The following EFHC2 variants were observed in gnomAD, a reference collection of about 807,000 sequenced individuals.
The protein encoded by EFHC2 is EF-hand domain containing 2, also known as EF-hand domain-containing family member C2.
Under a neutral mutation model 52.7 loss-of-function variants are expected in EFHC2, and 18 were observed. The ratio of observed to expected loss-of-function variants is 0.34; its 90% CI spans 0.24 to 0.51. EFHC2 has a LOEUF of 0.51. Ranked by LOEUF, EFHC2 falls within the 20% of genes least tolerant of loss-of-function variation. The pLI is 0.97. For synonymous variants in EFHC2, 203 were observed against 204.1 expected (o/e 0.99, Z 0.04); for missense variants, 513 against 562.5 (o/e 0.91, Z 0.89).
At position 44,248,915 on chromosome X, in the gene EFHC2, T is replaced by C; in HGVS notation, c.860A>G (p.Asn287Ser). ...TGGTTGATAGACTCTAGGTGGGCAA[T>C]TCTGGAAGACAAAATCAAAACAAGA... ...MFLRRSKLPK[N>S]CPPRVYQPGQ... Residue 287 changes from asparagine to serine, a missense_variant and splice_region_variant, in exon 6 of 15, where the codon AAT (asparagine) becomes AGT (serine). Coordinates refer to ENST00000420999, the MANE Select transcript of EFHC2 (RefSeq NM_025184.4). The C allele has an allele frequency of 8.5e-7, 1 of 1,175,449 alleles. No individual in the cohort carries two copies.
At chrX:44,160,871 G>A (rs1374302646) in intron 14 of EFHC2, among the ~76,000 whole-genome samples, 1 of 109,480 alleles carries the variant, frequency 9.1e-6, no homozygotes, top group African/African-American at 3.3e-5. Flanking sequence ...GCAGTGAGCC[G>A]AGATCACACC....
intron 2 of EFHC2, among the ~76,000 whole-genome samples, chrX:44,287,295 A>T (rs1411864898): frequency 9.9e-5 from 11 of 111,495 alleles, no homozygotes; most frequent in East Asian, 2.8e-4. Flanking sequence ...TATCAAAAAA[A>T]TTTTTTTTAA....
intron 4 of EFHC2, among the ~76,000 whole-genome samples, chrX:44,251,382 A>G (rs185922938): frequency 3.8e-5 from 4 of 104,877 alleles, no homozygotes; most frequent in Non-Finnish European, 5.9e-5. Context: ...GGGAGGCCAC[A>G]GTGGGTCGAT....
chrX:44,326,795 C>A (rs2038055266), intron 1 of EFHC2, among the ~76,000 whole-genome samples: 1 of 92,266 alleles, frequency 1.1e-5, no homozygotes, highest in Non-Finnish European at 2.0e-5. Flanking sequence ...GTGGCACAGT[C>A]ATGGCTCACT....
chrX:44,332,770 A>G lies in EFHC2; in HGVS notation c.42+10777T>C, dbSNP rs1389866408. On this transcript the variant is annotated intron_variant, in intron 1 of 14. Transcript: ENST00000420999. ...AATAAGAGAGAGAAAACTATCCCTC[A>G]GCATGGTGCAAGAGGCCACAGAGAG... Among the ~76,000 whole-genome samples, 19 of 111,319 alleles carry G rather than the reference A, an allele frequency of 1.7e-4. No homozygotes were observed. The Admixed American group carries it at 1.8e-3, about 11-fold the overall frequency.
In EFHC2 at chrX:44,289,720, C is replaced by T. The variant is rs188036145; in HGVS notation, c.232-16884G>A. 1.6e-4 allele frequency among the ~76,000 whole-genome samples: 14 copies of T among 85,344 alleles called. No homozygotes were observed. In the Admixed American group the frequency reaches 2.1e-3, roughly 13 times the overall value. 74.1% of individuals were successfully genotyped at this position (85,344 alleles called of 115,157 possible). Reference sequence around the variant, plus strand: ...TTTTTGAGACAGAGACTCACTCTGTCGCCAGGGCTGGAGTGCAATGGCGCA... The same window carrying T: ...TTTTTGAGACAGAGACTCACTCTGTTGCCAGGGCTGGAGTGCAATGGCGCA... On this transcript the variant is annotated intron_variant, in intron 2 of 14. Coordinates refer to ENST00000420999, the MANE Select transcript of EFHC2 (RefSeq NM_025184.4).
At chrX:44,308,118 T>A (rs1350059422) in intron 2 of EFHC2, among the ~76,000 whole-genome samples, 1 of 111,262 alleles carries the variant, frequency 9.0e-6, no homozygotes, top group East Asian at 2.8e-4. Context: ...TAAAAGGACA[T>A]ACATAATAAA....
At chrX:44,151,115 C>A (rs2147262270) in intron 14 of EFHC2, among the ~76,000 whole-genome samples, 1 of 110,970 alleles carries the variant, frequency 9.0e-6, no homozygotes, top group African/African-American at 3.3e-5. Context: ...GAAGGATTCC[C>A]ACACAGGTTT....
At chrX:44,258,092 C>T (rs1241501551) in intron 4 of EFHC2, among the ~76,000 whole-genome samples, 1 of 111,983 alleles carries the variant, frequency 8.9e-6, no homozygotes, top group African/African-American at 3.2e-5. Flanking sequence ...ATGCAGAAAA[C>T]TGAAACTGGA....
intron 11 of EFHC2, among the ~76,000 whole-genome samples, chrX:44,195,289 T>G (rs754452979): frequency 1.8e-5 from 2 of 111,609 alleles, no homozygotes; most frequent in East Asian, 5.7e-4. Context: ...ATACTTGGGT[T>G]AGCCCGCTGC....
chrX:44,251,845 C>T (rs2037453817), intron 4 of EFHC2, among the ~76,000 whole-genome samples: 1 of 108,366 alleles, frequency 9.2e-6, no homozygotes, highest in Non-Finnish European at 1.9e-5. Context: ...TTCTACATCT[C>T]GATTTTTGTG....
In EFHC2 at chrX:44,149,114, C is replaced by A. The variant is rs745481515; in HGVS notation, c.2149-218G>T. On this transcript the variant is annotated intron_variant, in intron 14 of 14. Transcript: ENST00000420999. ...TTTGTCATATGACTCTGTAGAACCT[C>A]CTGTGGAGTAAGAAGGGTATATTTT... 1.8e-5 allele frequency among the ~76,000 whole-genome samples: 2 copies of A among 112,073 alleles called. 1 individual carries two copies. Among genetic ancestry groups the A allele is most frequent in the South Asian group, 7.4e-4 (2 of 2,689 alleles).
chrX:44,324,558 A>G (rs1330639343), intron 1 of EFHC2, among the ~76,000 whole-genome samples: 1 of 110,711 alleles, frequency 9.0e-6, no homozygotes, highest in Non-Finnish European at 1.9e-5. Flanking sequence ...ACCTCCCCCA[A>G]CCCCTGCATA....
intron 11 of EFHC2, among the ~76,000 whole-genome samples, chrX:44,184,494 C>T (rs190395670): frequency 1.8e-4 from 20 of 111,009 alleles, no homozygotes; most frequent in Admixed American, 6.7e-4. Flanking sequence ...AGGCTGAGGC[C>T]GGCAGATCAC....
At chrX:44,174,743 G>A (rs772647624) in intron 13 of EFHC2, among the ~76,000 whole-genome samples, 4 of 110,123 alleles carry the variant, frequency 3.6e-5, no homozygotes, top group Admixed American at 1.9e-4. Flanking sequence ...GGAGTTTTGG[G>A]AGTGGGGGAT....
In EFHC2 at chrX:44,299,420, G is replaced by A. The variant is rs186583745; in HGVS notation, c.231+13148C>T. On this transcript the variant is annotated intron_variant, in intron 2 of 14. Coordinates refer to ENST00000420999, the MANE Select transcript of EFHC2 (RefSeq NM_025184.4). ...GGAGGCTGCATCTGCATGATAAAAC[G>A]TTGGTCTCCACAAGCCCTTATCATA... 5.6e-4 allele frequency among the ~76,000 whole-genome samples: 62 copies of A among 111,528 alleles called. No homozygotes were observed. The South Asian group carries it at 0.02, about 36-fold the overall frequency.
At position 44,278,171 on chromosome X, in the gene EFHC2, T is replaced by G. The variant is rs765554659; in HGVS notation, c.232-5335A>C. On this transcript the variant is annotated intron_variant, in intron 2 of 14. Coordinates refer to ENST00000420999, the MANE Select transcript of EFHC2 (RefSeq NM_025184.4). Reference sequence around the variant, plus strand: ...GAGTGGATAACCTGAGGTCAGGAGTTGGAGACCAGCCTGGCCAACATGGCA... The same window carrying G: ...GAGTGGATAACCTGAGGTCAGGAGTGGGAGACCAGCCTGGCCAACATGGCA... 9.8e-5 allele frequency among the ~76,000 whole-genome samples: 11 copies of G among 112,106 alleles called. No individual in the cohort carries two copies. The South Asian group carries it at 3.7e-3, about 37-fold the overall frequency.
At chrX:44,237,849 T>C (rs1013520618) in intron 8 of EFHC2, among the ~76,000 whole-genome samples, 11 of 111,303 alleles carry the variant, frequency 9.9e-5, no homozygotes, top group African/African-American at 2.6e-4. Context: ...AAGCTCCTAA[T>C]TGGGGATGTT....
intron 13 of EFHC2, among the ~76,000 whole-genome samples, chrX:44,172,469 T>C (rs1203203001): frequency 8.9e-6 from 1 of 112,329 alleles, no homozygotes; most frequent in Admixed American, 9.4e-5. Context: ...AACAGTAGAG[T>C]TGACCTGCAG....
Sources: gnomAD v4.1 joint callset for allele counts (sites outside exome capture counted in the v4.1 genomes callset) on GRCh38, gnomAD v4.1.1 for gene constraint, MANE v1.5 for transcripts, NCBI Gene and HGNC (gene_info 2026-07-23, HGNC 2026-07-21) for gene names.